The following SELENOS variants were observed in gnomAD, a reference collection of about 807,000 sequenced individuals.
The protein encoded by SELENOS is VCP interacting membrane selenoprotein.
In SELENOS, 37 loss-of-function variants were observed where a neutral mutation model predicts 30.2. The ratio of observed to expected loss-of-function variants is 1.23; its 90% CI spans 0.94 to 1.61. SELENOS has a LOEUF of 1.61. SELENOS is among the 40% of genes most tolerant of loss of function. The probability of loss-of-function intolerance (pLI) is 0.00; values close to 1 mark genes in which losing one functional copy is unlikely to be tolerated. For missense variants in SELENOS, 289 were observed against 231.8 expected, an observed-to-expected ratio of 1.25 and a Z score of -1.60; for synonymous variants, 119 against 91.6, an observed-to-expected ratio of 1.30 and a Z score of -1.71.
At chr15:101,271,677 T>G (rs553110926), downstream of SELENOS, 1 of 152,250 alleles carries the variant, frequency 6.6e-6, no homozygotes, top group Non-Finnish European at 1.5e-5. Flanking sequence ...GACTAATTTA[T>G]GTATGAGACC....
chr15:101,272,769 T>G lies in SELENOS; in HGVS notation c.*2A>C, dbSNP rs1567118283. ...ATGTCAAAAGTGACACTAACAAGAT[T>G]CTTAGCCTCATCCGCCAGATGACGG... On this transcript the variant is annotated 3_prime_UTR_variant, in exon 6 of 6. Transcript: ENST00000526049. 1.2e-6 allele frequency: 2 copies of G among 1,605,408 alleles called. No homozygotes were observed. The highest frequency in any genetic ancestry group is 1.7e-6 in the Non-Finnish European group (2 of 1,175,950).
chr15:101,277,387 G>A lies in SELENOS; in HGVS notation c.31C>T (p.Arg11Trp), dbSNP rs1408829096. Reference sequence around the variant, plus strand: ...AGCCCCTCGGTCTCCAGGGCCGGCCGCGCGGACAGAGACTCCTCTTGGCGT... The same window carrying A: ...AGCCCCTCGGTCTCCAGGGCCGGCCACGCGGACAGAGACTCCTCTTGGCGT... Reference protein sequence around the residue: MERQEESLSARPALETEGLRF... With the variant: MERQEESLSAWPALETEGLRF... Residue 11 changes from arginine (R) to tryptophan (W), a missense_variant, in exon 1 of 6, where the codon CGG (arginine) becomes TGG (tryptophan). Arg to Trp is a moderately radical substitution (Grantham distance 101). Coordinates refer to ENST00000526049, the MANE Select transcript of SELENOS (RefSeq NM_018445.6). The A allele has an allele frequency of 2.7e-6, 4 of 1,505,066 alleles. No individual in the cohort carries two copies. In the African/African-American group the frequency reaches 4.3e-5, roughly 16 times the overall value. 93.2% of individuals were successfully genotyped at this position (1,505,066 alleles called of 1,614,324 possible). A position where few individuals can be genotyped will look rare whatever the true frequency, so the allele number is the denominator to read the frequency against.
Position 101,274,470 on chromosome 15 carries a change from G to C in SELENOS, c.434C>G (p.Thr145Ser). Residue 145 changes from threonine to serine, a missense_variant, in exon 5 of 6, where the codon ACT becomes AGT. Transcript: ENST00000526049. The part of the protein sequence containing the change: ...PQEEDSPGPS[T>S]SSVLKRKSDR... The stretch of plus-strand genomic sequence containing the variant: ...CGATTTCCGTTTCAGGACAGATGAA[G>C]TGGAAGGCCCAGGACTGTCTTCCTC... The C allele has an allele frequency of 6.2e-7, 1 of 1,609,518 alleles. No individual in the cohort carries two copies. Among genetic ancestry groups the C allele is most frequent in the Non-Finnish European group, 8.5e-7 (1 of 1,177,706 alleles).
At position 101,277,464 on chromosome 15, in the gene SELENOS, CGG is replaced by C; in HGVS notation, c.-49_-48del. The C allele has an allele frequency of 1.4e-6, 2 of 1,400,602 alleles. No homozygotes were observed. The highest frequency in any genetic ancestry group is 1.5e-5 in the African/African-American group (1 of 66,026). 86.8% of individuals were successfully genotyped at this position (1,400,602 alleles called of 1,614,324 possible). A position where few individuals can be genotyped will look rare whatever the true frequency, so the allele number is the denominator to read the frequency against. On this transcript the variant is annotated 5_prime_UTR_variant, in exon 1 of 6. Transcript: ENST00000526049. ...CCAGCCCTGCCGCCGCGCCTCCAGC[CGG>C]GCGCTTCCGGTGCGCTCCTACGCAC...
rs372749070 is a variant in SELENOS, at chr15:101,274,403, A to C, written c.484+17T>G. ...AGTGTTGAAAATCTGTTAACATTTG[A>C]CATCAGTGGTGCTTACCTCCTCCCC... On this transcript the variant is annotated intron_variant, in intron 5 of 5. Coordinates refer to ENST00000526049, the MANE Select transcript of SELENOS (RefSeq NM_018445.6). The C allele has an allele frequency of 2.5e-6, 4 of 1,599,398 alleles. No homozygotes were observed. Among genetic ancestry groups the C allele is most frequent in the East Asian group, 4.5e-5 (2 of 44,636 alleles).
chr15:101,277,320 C>G (rs1160487329), intron 1 of SELENOS, 22 bp downstream of exon 1: 36 of 1,505,898 alleles, frequency 2.4e-5, no homozygotes, highest in Non-Finnish European at 3.0e-5. Flanking sequence ...GGCGCGCGCC[C>G]GGCTGCCCCG....
rs371072982 is a variant in SELENOS at position 101,272,826 on chromosome 15, C to T, written c.515G>A (p.Gly172Glu). The part of the protein sequence containing the change: ...GYNPLSGEGG[G>E]ACSWRPGRRG... ...GCGTCCAGGTCTCCAGGAGCAAGCT[C>T]CGCCTCCTTCACCAGACAACGGGTT... The change falls in exon 6 of 6, where the codon GGA becomes GAA. Residue 172 changes from glycine to glutamate, a missense_variant. Gly to Glu is a moderately conservative substitution (Grantham distance 98). Coordinates refer to ENST00000526049, the MANE Select transcript of SELENOS (RefSeq NM_018445.6). 1.7e-5 allele frequency: 27 copies of T among 1,609,882 alleles called. No homozygotes were observed. Among genetic ancestry groups the T allele is most frequent in the Non-Finnish European group, 2.2e-5 (26 of 1,178,218 alleles).
intron 1 of SELENOS, chr15:101,276,900 G>A: frequency 1.8e-6 from 1 of 566,886 alleles, no homozygotes; most frequent in Non-Finnish European, 3.1e-6. Flanking sequence ...GTCGGGGGCA[G>A]TTAGAGTGTG....
At chr15:101,276,703 C>G (rs1225130362) in intron 1 of SELENOS, 28 bp from the exon 2 acceptor site, 1 of 1,594,916 alleles carries the variant, frequency 6.3e-7, no homozygotes, top group Non-Finnish European at 8.5e-7. Flanking sequence ...TTTCAAAAAA[C>G]TAAAAATGAC....
rs2141295641 is a variant in SELENOS at position 101,272,452 on chromosome 15, A to C, written c.*319T>G. ...GACTGTCCTAGCAGCAAGGATTTCT[A>C]ACCTCAAAAGAACATTACTAGGCCT... On this transcript the variant is annotated 3_prime_UTR_variant, in exon 6 of 6. Coordinates refer to ENST00000526049, the MANE Select transcript of SELENOS (RefSeq NM_018445.6). 3.9e-6 allele frequency: 1 copy of C among 254,166 alleles called. No individual in the cohort carries two copies. Among genetic ancestry groups the C allele is most frequent in the Middle Eastern group, 1.3e-3 (1 of 778 alleles). 15.7% of individuals were successfully genotyped at this position (254,166 alleles called of 1,614,324 possible).
At chr15:101,276,973 G>A in intron 1 of SELENOS, 2 of 526,118 alleles carry the variant, frequency 3.8e-6, no homozygotes, top group East Asian at 3.5e-5. Context: ...GAAGGCAAAG[G>A]CCTTTCAGAG....
rs1016470288 is a variant in SELENOS at position 101,277,328 on chromosome 15, C to A, written c.76+14G>T. 42 of 1,510,226 alleles carry A rather than the reference C, an allele frequency of 2.8e-5. No individual in the cohort carries two copies. In the East Asian group the frequency reaches 1.1e-3, roughly 38 times the overall value. The allele number at this position is 1,510,226 out of a possible 1,614,324, so 93.6% of individuals were successfully genotyped here. ...AAGTGGCGGCGCGCGCCCGGCTGCC[C>A]CGCAACGACTCACCCGTGGTGTGCA... On this transcript the variant is annotated intron_variant, in intron 1 of 5. Coordinates refer to ENST00000526049, the MANE Select transcript of SELENOS (RefSeq NM_018445.6).
Position 101,276,768 on chromosome 15 carries a change from C to T in SELENOS, c.77-93G>A, listed in dbSNP as rs150906993. On this transcript the variant is annotated intron_variant, in intron 1 of 5. Transcript: ENST00000526049. The stretch of plus-strand genomic sequence containing the variant: ...ACAAACACAAAGTGTAACTCCTGCC[C>T]TCAAAGCCTTCATGGTCTAGGCTGA... 8 of 1,465,754 alleles carry T rather than the reference C, an allele frequency of 5.5e-6. No homozygotes were observed. In the African/African-American group the frequency reaches 9.9e-5, roughly 18 times the overall value. The allele number at this position is 1,465,754 out of a possible 1,614,324, so 90.8% of individuals were successfully genotyped here. A position where few individuals can be genotyped will look rare whatever the true frequency, so the allele number is the denominator to read the frequency against.
rs773214316 is a variant in SELENOS at position 101,272,427 on chromosome 15, G to A, written c.*344C>T. 41 of 206,152 alleles carry A rather than the reference G, an allele frequency of 2.0e-4. No homozygotes were observed. The highest frequency in any genetic ancestry group is 7.0e-4 in the South Asian group (7 of 9,968). 12.8% of individuals were successfully genotyped at this position (206,152 alleles called of 1,614,324 possible). The stretch of plus-strand genomic sequence containing the variant: ...ATCATTCAACGCAACCTGTCACAGA[G>A]ACTGTCCTAGCAGCAAGGATTTCTA... On this transcript the variant is annotated 3_prime_UTR_variant, in exon 6 of 6. Coordinates refer to ENST00000526049, the MANE Select transcript of SELENOS (RefSeq NM_018445.6).
intron 1 of SELENOS, 54 bp from the exon 2 acceptor site, chr15:101,276,729 T>C: frequency 6.3e-7 from 1 of 1,575,652 alleles, no homozygotes; most frequent in East Asian, 2.2e-5. Flanking sequence ...TAGTTGACCT[T>C]TCCATAAGAC....
Position 101,276,546 on chromosome 15 carries a change from G to A in SELENOS, c.206C>T (p.Ala69Val), listed in dbSNP as rs751641723. Residue 69 changes from alanine to valine, a missense_variant, in exon 2 of 6, where the codon GCT becomes GTT. Coordinates refer to ENST00000526049, the MANE Select transcript of SELENOS (RefSeq NM_018445.6). ...RQRQLDRAAA[A>V]VEPDVVVKRQ... ...TTCGGTTATCAGGCACTAACCCACAGCAGCCGCAGCTCGGTCCAGCTGCCT... is the reference window on the plus strand; with the variant it reads ...TTCGGTTATCAGGCACTAACCCACAACAGCCGCAGCTCGGTCCAGCTGCCT... 6.2e-7 allele frequency: 1 copy of A among 1,603,748 alleles called. No homozygotes were observed. The highest frequency in any genetic ancestry group is 8.5e-7 in the Non-Finnish European group (1 of 1,176,882).
intron 3 of SELENOS, chr15:101,274,882 GA>G (rs2039307465): frequency 3.2e-6 from 2 of 619,618 alleles, no homozygotes; most frequent in Admixed American, 6.8e-5. Flanking sequence ...CACTATTAAA[GA>G]AAGCAAAATG....
Position 101,272,666 on chromosome 15 carries a change from C to A in SELENOS, c.*105G>T. 8.2e-7 allele frequency: 1 copy of A among 1,222,308 alleles called. No homozygotes were observed. The highest frequency in any genetic ancestry group is 2.0e-5 in the Admixed American group (1 of 48,834). 75.7% of individuals were successfully genotyped at this position (1,222,308 alleles called of 1,614,324 possible). A position where few individuals can be genotyped will look rare whatever the true frequency, so the allele number is the denominator to read the frequency against. Reference sequence around the variant, plus strand: ...AGGTGTAGTTAGGAACAGAAATCAACCCCACCTCCCCTTGGCTAGTCACTG... The same window carrying A: ...AGGTGTAGTTAGGAACAGAAATCAAACCCACCTCCCCTTGGCTAGTCACTG... On this transcript the variant is annotated 3_prime_UTR_variant, in exon 6 of 6. Coordinates refer to ENST00000526049, the MANE Select transcript of SELENOS (RefSeq NM_018445.6).
intron 1 of SELENOS, 152 bp downstream of exon 1, chr15:101,277,190 G>A (rs2039338116): frequency 7.7e-7 from 1 of 1,304,782 alleles, no homozygotes; most frequent in African/African-American, 1.5e-5. Flanking sequence ...CAAGGTCCGG[G>A]CCTGCTGCCC....
Sources: allele counts gnomAD v4.1 joint callset, GRCh38; gene constraint gnomAD v4.1.1; transcripts MANE v1.5; gene names NCBI Gene and HGNC (gene_info 2026-07-23, HGNC 2026-07-21).